The following CMBL variants were observed in gnomAD, a reference collection of about 807,000 sequenced individuals.
CMBL encodes the protein carboxymethylenebutenolidase homolog (Pseudomonas).
A neutral mutation model predicts 28.7 loss-of-function variants in CMBL; 17 were observed. The ratio of observed to expected loss-of-function variants is 0.59; its 90% CI spans 0.41 to 0.89. The LOEUF is 0.89. Among genes scored for constraint, CMBL ranks in the 40% least tolerant of loss-of-function variants. CMBL has a pLI of 0.00. For synonymous variants in CMBL, 106 were observed against 101.6 expected, an observed-to-expected ratio of 1.04 and a Z score of -0.26; for missense variants, 310 against 298.5, an observed-to-expected ratio of 1.04 and a Z score of -0.28.
chr5:10,305,882 T>A (rs1746993342), intron 1 of CMBL, among the ~76,000 whole-genome samples: 1 of 152,192 alleles, frequency 6.6e-6, no homozygotes, highest in Non-Finnish European at 1.5e-5. Context: ...CAGTTGAGTG[T>A]TTGATCTGCA....
intron 4 of CMBL, among the ~76,000 whole-genome samples, chr5:10,283,466 T>A (rs6892999): frequency 2.6e-5 from 4 of 151,948 alleles, no homozygotes; most frequent in Non-Finnish European, 5.9e-5. Context: ...TGCCTGGGCC[T>A]AGCAGGTCAG....
intron 4 of CMBL, among the ~76,000 whole-genome samples, chr5:10,283,092 G>GA (rs70944000): frequency 0.025 from 2,952 of 119,944 alleles, 72 homozygotes; most frequent in Non-Finnish European, 0.033. Flanking sequence ...CTCCGTCTCA[G>GA]AAAAAAAAAA....
chr5:10,291,688 G>T (rs1283921591), intron 1 of CMBL, among the ~76,000 whole-genome samples: 1 of 151,804 alleles, frequency 6.6e-6, no homozygotes, highest in Non-Finnish European at 1.5e-5. Context: ...GAAAAGAAAA[G>T]AAAAAGAAAG....
chr5:10,290,893 T>A, intron 1 of CMBL, 112 bp from the exon 2 acceptor site: 1 of 754,812 alleles, frequency 1.3e-6, no homozygotes. Flanking sequence ...TAGCTACATC[T>A]ATGGTATTAT....
At chr5:10,281,044 G>A (rs1746490720) in intron 5 of CMBL, among the ~76,000 whole-genome samples, 1 of 152,254 alleles carries the variant, frequency 6.6e-6, no homozygotes, top group Non-Finnish European at 1.5e-5. Flanking sequence ...AATGTGTTGG[G>A]ATTACAGGCG....
chr5:10,290,740 C>A lies in CMBL; in HGVS notation c.23G>T (p.Cys8Phe). The change falls in exon 2 of 6, where the codon TGT becomes TTT. Residue 8 changes from cysteine to phenylalanine, a missense_variant. By Grantham distance (205) the Cys-to-Phe change is radical (BLOSUM62 -2). Transcript: ENST00000296658. MANEAYP[C>F]PCDIGHRLEY... is the part of the protein sequence containing the mutation. ...AAGTCTGTGGCCAATGTCACACGGA[C>A]AAGGATAAGCTTCGTTAGCCATTGC... is the stretch of plus-strand genomic sequence containing the variant. 6.2e-7 allele frequency: 1 copy of A among 1,614,112 alleles called. No homozygotes were observed. Among genetic ancestry groups the A allele is most frequent in the Non-Finnish European group, 8.5e-7 (1 of 1,180,028 alleles).
Position 10,289,118 on chromosome 5 carries a change from C to T in CMBL, c.216-589G>A, listed in dbSNP as rs1275963083. 3.3e-5 allele frequency among the ~76,000 whole-genome samples: 5 copies of T among 152,256 alleles called. No individual in the cohort carries two copies. Among genetic ancestry groups the T allele is most frequent in the South Asian group, 4.1e-4 (2 of 4,826 alleles). ...GTCAACCCAGAGGGATAGAGCCAGCCGCTGGGGTTGAGTCCTGTTTCCCAA... is the reference window on the plus strand; with the variant it reads ...GTCAACCCAGAGGGATAGAGCCAGCTGCTGGGGTTGAGTCCTGTTTCCCAA... On this transcript the variant is annotated intron_variant, in intron 2 of 5. Coordinates refer to ENST00000296658, the MANE Select transcript of CMBL (RefSeq NM_138809.4). The surrounding 1 kb of genome is among the most constrained non-coding windows in gnomAD (Gnocchi z 4.3).
chr5:10,286,207 T>A (rs1746601817), intron 4 of CMBL, 147 bp downstream of exon 4: 2 of 771,098 alleles, frequency 2.6e-6, no homozygotes, highest in South Asian at 2.3e-5. Flanking sequence ...CCACCTCTAT[T>A]TTCAGATTCT....
chr5:10,304,050 G>A (rs1480592660), intron 1 of CMBL, among the ~76,000 whole-genome samples: 2 of 152,088 alleles, frequency 1.3e-5, no homozygotes, highest in South Asian at 2.1e-4. Flanking sequence ...AATTGCCCAC[G>A]TACACGGTTC....
At chr5:10,301,606 G>GGT (rs371808120) in intron 1 of CMBL, among the ~76,000 whole-genome samples, 4 of 132,238 alleles carry the variant, frequency 3.0e-5, no homozygotes, top group African/African-American at 1.2e-4. Flanking sequence ...TTCTTTTCGG[G>GGT]TTTTTTTTTT....
chr5:10,306,370 A>AGAG (rs918261200), intron 1 of CMBL, among the ~76,000 whole-genome samples: 17 of 152,088 alleles, frequency 1.1e-4, no homozygotes, highest in African/African-American at 3.6e-4. Context: ...GAGGGGGCAG[A>AGAG]GAGGAGGAGG....
At position 10,280,522 on chromosome 5, in the gene CMBL, T is replaced by C; in HGVS notation, c.669A>G (p.Ser223=). Residue 223 remains serine, a synonymous_variant, in exon 6 of 6, where the codon TCA becomes TCG. Transcript: ENST00000296658. ...CGTCAATGTAGGGCTTGTCTGCAGG[T>C]GAGCAATCTTCTCTCTTCCGATGCA... The part of the protein sequence containing the change: ...GFVHRKREDC[S]PADKPYIDEA... The C allele has an allele frequency of 6.2e-7, 1 of 1,613,982 alleles. No homozygotes were observed. The highest frequency in any genetic ancestry group is 2.2e-5 in the East Asian group (1 of 44,882).
chr5:10,279,440 T>G lies in CMBL; in HGVS notation c.*1013A>C, dbSNP rs1252514613. On this transcript the variant is annotated 3_prime_UTR_variant, in exon 6 of 6. Coordinates refer to ENST00000296658, the MANE Select transcript of CMBL (RefSeq NM_138809.4). ...GGGCAGTTAGTCTACCCGTTTATAGTTCATGTTCTTCATGGCTTTGCAGCA... is the reference window on the plus strand; with the variant it reads ...GGGCAGTTAGTCTACCCGTTTATAGGTCATGTTCTTCATGGCTTTGCAGCA... 1 of 152,192 alleles carries G rather than the reference T, an allele frequency of 6.6e-6. No individual in the cohort carries two copies. The highest frequency in any genetic ancestry group is 1.5e-5 in the Non-Finnish European group (1 of 68,048). 9.4% of individuals were successfully genotyped at this position (152,192 alleles called of 1,614,324 possible).
chr5:10,291,653 G>C (rs375123259), intron 1 of CMBL, among the ~76,000 whole-genome samples: 1 of 146,588 alleles, frequency 6.8e-6, no homozygotes, highest in East Asian at 1.9e-4. Context: ...AGAGCGAGAC[G>C]CCGTCTCAAA....
chr5:10,282,720 G>A (rs58203537), intron 4 of CMBL, among the ~76,000 whole-genome samples: 4,995 of 152,078 alleles, frequency 0.033, 267 homozygotes, highest in African/African-American at 0.11. Flanking sequence ...GAAAGTTGAG[G>A]CTGCAGTGAG....
chr5:10,290,478 T>G, intron 2 of CMBL, 70 bp downstream of exon 2: 1 of 1,392,206 alleles, frequency 7.2e-7, no homozygotes, highest in African/African-American at 1.4e-5. Context: ...GGTTTTATTT[T>G]TTAAAGGGAA....
intron 1 of CMBL, among the ~76,000 whole-genome samples, chr5:10,293,568 A>C (rs1295680997): frequency 6.6e-6 from 1 of 152,276 alleles, no homozygotes; most frequent in Non-Finnish European, 1.5e-5. Flanking sequence ...AAAAGAGGTA[A>C]GAAACAAGAA....
intron 1 of CMBL, among the ~76,000 whole-genome samples, chr5:10,294,070 G>GC (rs1365735831): frequency 6.6e-6 from 1 of 152,154 alleles, no homozygotes; most frequent in Non-Finnish European, 1.5e-5. Flanking sequence ...AGAACAAACA[G>GC]CAAGTGCAAA....
intron 1 of CMBL, among the ~76,000 whole-genome samples, chr5:10,295,580 C>T (rs889209560): frequency 1.3e-5 from 2 of 152,160 alleles, no homozygotes; most frequent in Non-Finnish European, 1.5e-5. Flanking sequence ...GCAAGTAGTT[C>T]ACAAGTGCAG....
Sources: allele counts gnomAD v4.1 joint callset (sites outside exome capture counted in the v4.1 genomes callset), GRCh38; gene constraint gnomAD v4.1.1; non-coding constraint Gnocchi (gnomAD v3.1); transcripts MANE v1.5; gene names NCBI Gene and HGNC (gene_info 2026-07-23, HGNC 2026-07-21).